The following RAI14 variants were observed in gnomAD, a reference collection of about 807,000 sequenced individuals.
The protein encoded by RAI14 is ankycorbin.
RAI14 carries 45 observed loss-of-function variants against 115.4 expected under a neutral mutation model. The observed-to-expected ratio is 0.39, with a 90% CI of 0.31 to 0.50. The LOEUF is 0.50. Ranked by LOEUF, RAI14 falls within the 20% of genes least tolerant of loss-of-function variation. The pLI is 0.85. For missense variants in RAI14, 939 were observed against 1,131.2 expected (o/e 0.83, Z 2.44); for synonymous variants, 371 against 415.4 (o/e 0.89, Z 1.30).
intron 2 of RAI14, among the ~76,000 whole-genome samples, chr5:34,704,961 T>C (rs150621918): frequency 1.6e-3 from 249 of 152,270 alleles, no homozygotes; most frequent in African/African-American, 5.5e-3. Context: ...TGAATTTTTC[T>C]TTATTTCTTT....
chr5:34,826,123 G>T, intron 15 of RAI14: 1 of 379,088 alleles, frequency 2.6e-6, no homozygotes, highest in Non-Finnish European at 4.6e-6. Context: ...GAACCTAATG[G>T]ATGTAGCGGG....
rs1234247027 is a variant in RAI14 at position 34,823,075 on chromosome 5, A to G, written c.1233A>G (p.Ser411=). 3.1e-6 allele frequency: 5 copies of G among 1,612,684 alleles called. No individual in the cohort carries two copies. Among genetic ancestry groups the G allele is most frequent in the Non-Finnish European group, 4.2e-6 (5 of 1,178,786 alleles). ...PGETSPPDSK[S]SPSVLIHSLG... ...AAACCTCTCCCCCAGACTCCAAATCATCTCCATCTGTCTTAATACATTCTT... is the reference window on the plus strand; with the variant it reads ...AAACCTCTCCCCCAGACTCCAAATCGTCTCCATCTGTCTTAATACATTCTT... Residue 411 remains serine (S), a synonymous_variant, in exon 15 of 18, where the codon TCA becomes TCG. Coordinates refer to ENST00000265109, the MANE Select transcript of RAI14 (RefSeq NM_015577.3). This position sits in a 1 kb window ranked among gnomAD's most constrained non-coding sequence, Gnocchi z 4.5.
chr5:34,813,162 A>G (rs1755807616), intron 10 of RAI14, among the ~76,000 whole-genome samples: 1 of 152,234 alleles, frequency 6.6e-6, no homozygotes, highest in East Asian at 1.9e-4. Context: ...ACCTTCAAAA[A>G]TGAAGTTATC....
intron 4 of RAI14, among the ~76,000 whole-genome samples, chr5:34,797,474 A>G (rs2150213013): frequency 6.6e-6 from 1 of 152,246 alleles, no homozygotes; most frequent in Admixed American, 6.5e-5. Flanking sequence ...GAGCCCTAAA[A>G]AAATTTGATG....
intron 2 of RAI14, among the ~76,000 whole-genome samples, chr5:34,729,629 G>T (rs955348943): frequency 6.6e-6 from 1 of 152,110 alleles, no homozygotes; most frequent in African/African-American, 2.4e-5. Flanking sequence ...GCGAAATACT[G>T]AAGATAGGAA....
At chr5:34,761,921 A>T (rs1246305645) in intron 3 of RAI14, among the ~76,000 whole-genome samples, 4 of 152,126 alleles carry the variant, frequency 2.6e-5, no homozygotes, top group Non-Finnish European at 5.9e-5. Context: ...GCACTACCAC[A>T]CCCACCTTTA....
chr5:34,745,204 T>C (rs960437124), intron 2 of RAI14, among the ~76,000 whole-genome samples: 1 of 152,206 alleles, frequency 6.6e-6, no homozygotes, highest in Non-Finnish European at 1.5e-5. Context: ...TTAAATGAAA[T>C]AAATTATTTA....
At chr5:34,674,834 C>A (rs1292544136) in intron 1 of RAI14, among the ~76,000 whole-genome samples, 1 of 151,954 alleles carries the variant, frequency 6.6e-6, no homozygotes, top group Non-Finnish European at 1.5e-5. Context: ...GGTGATCCGC[C>A]CATCTCGGGC....
At chr5:34,739,129 C>A (rs1745195876) in intron 2 of RAI14, among the ~76,000 whole-genome samples, 1 of 152,208 alleles carries the variant, frequency 6.6e-6, no homozygotes, top group South Asian at 2.1e-4. Context: ...TCCCATGGGT[C>A]TTTGAATAAT....
chr5:34,728,128 T>G (rs61660107), intron 2 of RAI14, among the ~76,000 whole-genome samples: 2,387 of 152,302 alleles, frequency 0.016, 56 homozygotes, highest in African/African-American at 0.055. Flanking sequence ...GTAGCCCCTT[T>G]GTTTTGGCCA....
At position 34,674,897 on chromosome 5, in the gene RAI14, ATTTTT is replaced by A. The variant is rs35952675; in HGVS notation, c.-48-11961_-48-11957del. 1.3e-3 allele frequency among the ~76,000 whole-genome samples: 168 copies of A among 130,380 alleles called. 1 individual carries two copies. Among genetic ancestry groups the A allele is most frequent in the African/African-American group, 4.1e-3 (154 of 37,220 alleles). The allele number at this position is 130,380 out of a possible 152,430, so 85.5% of individuals were successfully genotyped here. On this transcript the variant is annotated intron_variant, in intron 1 of 17. Transcript: ENST00000265109. Reference sequence around the variant, plus strand: ...AGCCACCATGCTCAGACTTCATTGGATTTTTTTTTTTTTTTTTTGAGACTGAGTCT... The same window carrying A: ...AGCCACCATGCTCAGACTTCATTGGATTTTTTTTTTTTTGAGACTGAGTCT...
chr5:34,744,686 A>G (rs1412945725), intron 2 of RAI14, among the ~76,000 whole-genome samples: 1 of 152,224 alleles, frequency 6.6e-6, no homozygotes, highest in East Asian at 1.9e-4. Context: ...TCTTTGCCTC[A>G]GTTTTCTCAT....
chr5:34,698,932 G>A lies in RAI14; in HGVS notation c.36+11977G>A, dbSNP rs2149922892. ...TGTGCGTGGGGATGAAGAGCAAGCA[G>A]GGAGGGAGCCTAGATTCCCTGCTGA... On this transcript the variant is annotated intron_variant, in intron 2 of 17. Coordinates refer to ENST00000265109, the MANE Select transcript of RAI14 (RefSeq NM_015577.3). Among the ~76,000 whole-genome samples the A allele has an allele frequency of 1.3e-5, 2 of 152,250 alleles. 1 individual carries two copies. The highest frequency in any genetic ancestry group is 4.8e-5 in the African/African-American group (2 of 41,550).
rs532886407 is a variant in RAI14 at position 34,813,864 on chromosome 5, A to T, written c.852+204A>T. Among the ~76,000 whole-genome samples, 661 of 152,256 alleles carry T rather than the reference A, an allele frequency of 4.3e-3. 9 individuals carry two copies. Among genetic ancestry groups the T allele is most frequent in the African/African-American group, 0.015 (641 of 41,520 alleles). Reference sequence around the variant, plus strand: ...ATAATGTTGATTCTTATCTATTTTTAAAAAAACAGTAGAATCGAATAGCCT... The same window carrying T: ...ATAATGTTGATTCTTATCTATTTTTTAAAAAACAGTAGAATCGAATAGCCT... On this transcript the variant is annotated intron_variant, in intron 11 of 17. Transcript: ENST00000265109.
At chr5:34,733,023 A>G (rs1744396991) in intron 2 of RAI14, 1 of 152,052 alleles carries the variant, frequency 6.6e-6, no homozygotes, top group Non-Finnish European at 1.5e-5. Flanking sequence ...TGTTTCTGAG[A>G]CACAAACTGA....
At chr5:34,755,211 A>T (rs1486341488) in intron 2 of RAI14, among the ~76,000 whole-genome samples, 1 of 152,156 alleles carries the variant, frequency 6.6e-6, no homozygotes, top group Non-Finnish European at 1.5e-5. Flanking sequence ...TATTCTACTA[A>T]CAAATGATGG....
chr5:34,741,514 A>T (rs1745504963), intron 2 of RAI14, among the ~76,000 whole-genome samples: 2 of 152,240 alleles, frequency 1.3e-5, no homozygotes, highest in Non-Finnish European at 2.9e-5. Flanking sequence ...AGATGGCCAG[A>T]TAAAAATGGG....
At chr5:34,792,640 T>C (rs1278467188) in intron 3 of RAI14, among the ~76,000 whole-genome samples, 1 of 152,242 alleles carries the variant, frequency 6.6e-6, no homozygotes, top group Non-Finnish European at 1.5e-5. Context: ...GTTAGAATTT[T>C]CTTGCAGAAA....
chr5:34,690,038 T>A (rs1198807596), intron 2 of RAI14, among the ~76,000 whole-genome samples: 1 of 152,184 alleles, frequency 6.6e-6, no homozygotes, highest in Non-Finnish European at 1.5e-5. Context: ...TAGAATACTC[T>A]GGTAACAGTT....
Sources: gnomAD v4.1 joint callset for allele counts (sites outside exome capture counted in the v4.1 genomes callset) on GRCh38, gnomAD v4.1.1 for gene constraint, Gnocchi (gnomAD v3.1) non-coding constraint, MANE v1.5 for transcripts, NCBI Gene and HGNC (gene_info 2026-07-23, HGNC 2026-07-21) for gene names.